FBXL7: variants seen among roughly 807,000 people sequenced by gnomAD.
The protein encoded by FBXL7 is F-box and leucine rich repeat protein 7.
Under a neutral mutation model 38.3 loss-of-function variants are expected in FBXL7, and 12 were observed. The observed-to-expected ratio is 0.31, with a 90% CI of 0.20 to 0.51. FBXL7 has a LOEUF of 0.51. Ranked by LOEUF, FBXL7 falls within the 20% of genes least tolerant of loss-of-function variation. The pLI, the probability that FBXL7 is intolerant of heterozygous loss-of-function variation, is 0.98. For synonymous variants in FBXL7, 297 were observed against 300.9 expected (o/e 0.99, Z 0.13); for missense variants, 567 against 676.4 (o/e 0.84, Z 1.79).
At chr5:15,555,318 T>C (rs1263499907) in intron 1 of FBXL7, among the ~76,000 whole-genome samples, 1 of 152,178 alleles carries the variant, frequency 6.6e-6, no homozygotes, top group Non-Finnish European at 1.5e-5. Context: ...GCCTGTGTTG[T>C]AGGCCTGGCC....
chr5:15,661,543 T>TTTTA (rs916154114), intron 2 of FBXL7, among the ~76,000 whole-genome samples: 215 of 152,326 alleles, frequency 1.4e-3, no homozygotes, highest in African/African-American at 5.0e-3. Context: ...ATAGATATTC[T>TTTTA]TTTATTTATT....
chr5:15,915,867 G>A (rs1741570904), intron 2 of FBXL7, among the ~76,000 whole-genome samples: 2 of 152,110 alleles, frequency 1.3e-5, no homozygotes, highest in Non-Finnish European at 2.9e-5. Context: ...GAGCAGGGTG[G>A]GAGCAGTGGA....
chr5:15,913,722 C>T (rs1207977966), intron 2 of FBXL7, among the ~76,000 whole-genome samples: 4 of 152,102 alleles, frequency 2.6e-5, no homozygotes, highest in East Asian at 1.9e-4. Context: ...AAGTGCAACT[C>T]GAAGATTGAA....
At chr5:15,818,591 A>G (rs573910202) in intron 2 of FBXL7, among the ~76,000 whole-genome samples, 1 of 152,302 alleles carries the variant, frequency 6.6e-6, no homozygotes, top group South Asian at 2.1e-4. Context: ...TCCTGTATCT[A>G]CAAGTCAATT....
intron 2 of FBXL7, among the ~76,000 whole-genome samples, chr5:15,767,496 G>A (rs894571806): frequency 6.6e-6 from 1 of 152,114 alleles, no homozygotes; most frequent in Admixed American, 6.5e-5. Context: ...ACCACCATGG[G>A]TACTTAGTGT....
intron 2 of FBXL7, among the ~76,000 whole-genome samples, chr5:15,894,189 A>T (rs2126392839): frequency 1.3e-5 from 2 of 152,356 alleles, no homozygotes; most frequent in Middle Eastern, 6.8e-3. Context: ...TGAACTCAGG[A>T]GGCAGAGATT....
intron 2 of FBXL7, among the ~76,000 whole-genome samples, chr5:15,792,520 T>C (rs556963377): frequency 6.6e-6 from 1 of 152,276 alleles, no homozygotes; most frequent in East Asian, 1.9e-4. Flanking sequence ...GAAGGCAGTA[T>C]TTTCATTCCC....
In FBXL7 at chr5:15,519,937, A is replaced by G. The variant is rs573629882; in HGVS notation, c.37+19224A>G. 2.1e-4 allele frequency among the ~76,000 whole-genome samples: 32 copies of G among 152,336 alleles called. 1 individual carries two copies. The South Asian group carries it at 6.6e-3, about 32-fold the overall frequency. On this transcript the variant is annotated intron_variant, in intron 1 of 3. Transcript: ENST00000504595. ...AAGTTTATGAAGAAAGTAGATGAGT[A>G]AAAGAGTGGTACTCCATAGACAGGG...
chr5:15,565,355 G>C (rs1738536966), intron 1 of FBXL7, among the ~76,000 whole-genome samples: 1 of 152,018 alleles, frequency 6.6e-6, no homozygotes, highest in Admixed American at 6.6e-5. Context: ...TCATGGTTGG[G>C]TTCTAAGTAT....
At chr5:15,901,887 G>T (rs1181952202) in intron 2 of FBXL7, among the ~76,000 whole-genome samples, 1 of 152,136 alleles carries the variant, frequency 6.6e-6, no homozygotes, top group African/African-American at 2.4e-5. Context: ...AGAATGCAAG[G>T]ACCTAGGAAA....
chr5:15,530,156 T>C (rs1265334248), intron 1 of FBXL7, among the ~76,000 whole-genome samples: 1 of 152,224 alleles, frequency 6.6e-6, no homozygotes, highest in Non-Finnish European at 1.5e-5. Flanking sequence ...GTAGTTGAAC[T>C]AATGTCAACA....
At chr5:15,758,794 A>G (rs529522560) in intron 2 of FBXL7, among the ~76,000 whole-genome samples, 56 of 152,234 alleles carry the variant, frequency 3.7e-4, no homozygotes, top group Non-Finnish European at 7.1e-4. Context: ...TCATTGTGCA[A>G]TTAACTCGAA....
chr5:15,749,338 T>C (rs2126683300), intron 2 of FBXL7, among the ~76,000 whole-genome samples: 1 of 151,796 alleles, frequency 6.6e-6, no homozygotes, highest in East Asian at 2.0e-4. Flanking sequence ...TATAAGTGTG[T>C]ATCCTCGGCT....
intron 1 of FBXL7, among the ~76,000 whole-genome samples, chr5:15,580,143 G>A (rs1739089369): frequency 6.6e-6 from 1 of 152,098 alleles, no homozygotes; most frequent in Non-Finnish European, 1.5e-5. Flanking sequence ...TGGAATCAGT[G>A]TCCTTATGAG....
At chr5:15,634,366 G>T (rs945007343) in intron 2 of FBXL7, among the ~76,000 whole-genome samples, 12 of 135,494 alleles carry the variant, frequency 8.9e-5, no homozygotes, top group African/African-American at 3.0e-4. Context: ...CTGTTGCCCA[G>T]TCTGGAGTGC....
intron 2 of FBXL7, among the ~76,000 whole-genome samples, chr5:15,677,109 T>C (rs1742682295): frequency 6.6e-6 from 1 of 152,204 alleles, no homozygotes; most frequent in Admixed American, 6.5e-5. Flanking sequence ...AAAATTTATA[T>C]CTCACCAGTA....
At chr5:15,701,480 T>C (rs1339913621) in intron 2 of FBXL7, among the ~76,000 whole-genome samples, 1 of 152,228 alleles carries the variant, frequency 6.6e-6, no homozygotes, top group African/African-American at 2.4e-5. Context: ...AGCGTCATCA[T>C]TGTCATGCTT....
intron 1 of FBXL7, among the ~76,000 whole-genome samples, chr5:15,571,251 A>G (rs762874604): frequency 3.3e-5 from 5 of 152,078 alleles, no homozygotes; most frequent in Non-Finnish European, 5.9e-5. Flanking sequence ...TCTTTTCTAA[A>G]CAATGCCGCC....
chr5:15,646,067 C>T (rs1741524415), intron 2 of FBXL7, among the ~76,000 whole-genome samples: 1 of 152,162 alleles, frequency 6.6e-6, no homozygotes, highest in South Asian at 2.1e-4. Context: ...CATGGTTAAG[C>T]CACCAACCTC....
Sources: gnomAD v4.1 joint callset for allele counts (sites outside exome capture counted in the v4.1 genomes callset) on GRCh38, gnomAD v4.1.1 for gene constraint, MANE v1.5 for transcripts, NCBI Gene and HGNC (gene_info 2026-07-23, HGNC 2026-07-21) for gene names.